EWSR1: variants seen among roughly 807,000 people sequenced by gnomAD.
The protein encoded by EWSR1 is EWS RNA binding protein 1, also known as RNA-binding protein EWS.
Under a neutral mutation model 92.1 loss-of-function variants are expected in EWSR1, and 14 were observed. That is an observed-to-expected ratio of 0.15 (90% CI 0.10 to 0.24). The LOEUF (loss-of-function observed/expected upper bound fraction) is 0.24. EWSR1 is among the 10% of genes least tolerant of loss of function. EWSR1 has a pLI of 1.00. For missense variants in EWSR1, 637 were observed against 870.9 expected (o/e 0.73, Z 3.38); for synonymous variants, 303 against 292.9 (o/e 1.03, Z -0.35).
intron 4 of EWSR1, among the ~76,000 whole-genome samples, chr22:29,275,125 T>C (rs1222079824): frequency 6.6e-6 from 1 of 152,210 alleles, no homozygotes; most frequent in African/African-American, 2.4e-5. Context: ...TTTCTAGTGG[T>C]GTTAATTGCA....
chr22:29,268,846 G>A (rs2058380620), intron 1 of EWSR1, among the ~76,000 whole-genome samples: 1 of 152,258 alleles, frequency 6.6e-6, no homozygotes, highest in South Asian at 2.1e-4. Context: ...TGGGCCGAGG[G>A]GTGCCGGCCT....
At chr22:29,276,827 T>C (rs2059158042) in intron 4 of EWSR1, 1 of 231,644 alleles carries the variant, frequency 4.3e-6, no homozygotes, top group Admixed American at 5.6e-5. Flanking sequence ...AGTTTGTTTA[T>C]TTTTTGTAGA....
At chr22:29,288,267 T>C (rs2060199019) in intron 7 of EWSR1, among the ~76,000 whole-genome samples, 1 of 152,230 alleles carries the variant, frequency 6.6e-6, no homozygotes, top group Non-Finnish European at 1.5e-5. Context: ...CTGGCTCTGT[T>C]TTCATTTCTT....
rs776719865 is a variant in EWSR1, at chr22:29,296,233, G to T, written c.1165-6G>T. ...GTCATGCCTAACTATGCTATTCTTT[G>T]TCTAGATGAACAAGAGAACTGGGCA... On this transcript the variant is annotated splice_polypyrimidine_tract_variant and splice_region_variant and intron_variant, in intron 11 of 16. Transcript: ENST00000397938. 1 of 1,613,480 alleles carries T rather than the reference G, an allele frequency of 6.2e-7. No homozygotes were observed. The highest frequency in any genetic ancestry group is 1.3e-5 in the African/African-American group (1 of 74,976).
chr22:29,279,019 G>A (rs973827010), intron 5 of EWSR1, among the ~76,000 whole-genome samples: 3 of 151,818 alleles, frequency 2.0e-5, no homozygotes, highest in Non-Finnish European at 4.4e-5. Flanking sequence ...GTGAAATGGT[G>A]CTATCGAAGG....
At chr22:29,270,020 C>T (rs1001540866) in intron 1 of EWSR1, among the ~76,000 whole-genome samples, 1 of 152,172 alleles carries the variant, frequency 6.6e-6, no homozygotes, top group Admixed American at 6.5e-5. Context: ...CCTTAGTTTC[C>T]TTTCCTGTAA....
At chr22:29,270,978 A>G (rs998283412) in intron 1 of EWSR1, among the ~76,000 whole-genome samples, 2 of 152,184 alleles carry the variant, frequency 1.3e-5, no homozygotes, top group African/African-American at 2.4e-5. Flanking sequence ...AAGGAAAGAA[A>G]GTAGTCCAGT....
At chr22:29,296,410 G>C (rs1296572212) in intron 12 of EWSR1, 42 bp downstream of exon 12, 1 of 1,608,446 alleles carries the variant, frequency 6.2e-7, no homozygotes, top group Non-Finnish European at 8.5e-7. Flanking sequence ...CCTGGCTATA[G>C]AATATGGCAT....
rs766337301 is a variant in EWSR1 at position 29,292,476 on chromosome 22, T to C, written c.1046-12T>C. On this transcript the variant is annotated splice_polypyrimidine_tract_variant and intron_variant, in intron 10 of 16. Coordinates refer to ENST00000397938, the MANE Select transcript of EWSR1 (RefSeq NM_005243.4). The stretch of plus-strand genomic sequence containing the variant: ...CATGATAATAATTCTCCTGTCTTGT[T>C]GTCTCTGAAAGGCCCACCTGTAGAT... 1.9e-6 allele frequency: 3 copies of C among 1,557,836 alleles called. No homozygotes were observed. In the South Asian group the frequency reaches 3.3e-5, roughly 17 times the overall value.
rs1388989889 is a variant in EWSR1 at position 29,298,800 on chromosome 22, A to C, written c.1485A>C (p.Gly495=). ...TGGGAGGCCGTGGAGGAGATAGAGGAGGCTTCCCTCCAAGAGGACCCCGGG... is the reference window on the plus strand; with the variant it reads ...TGGGAGGCCGTGGAGGAGATAGAGGCGGCTTCCCTCCAAGAGGACCCCGGG... ...GRMGGRGGDR[G]GFPPRGPRGS... The change falls in exon 14 of 17, where the codon GGA becomes GGC. Residue 495 remains glycine (G), a synonymous_variant. Transcript: ENST00000397938. 1.9e-6 allele frequency: 3 copies of C among 1,610,794 alleles called. No homozygotes were observed. The highest frequency in any genetic ancestry group is 3.4e-5 in the Admixed American group (2 of 59,098).
chr22:29,284,067 C>T (rs1243270593), intron 6 of EWSR1, among the ~76,000 whole-genome samples: 11 of 151,362 alleles, frequency 7.3e-5, no homozygotes, highest in Admixed American at 7.2e-4. Context: ...CTCCCATCCT[C>T]AGGTGATCCG....
intron 1 of EWSR1, among the ~76,000 whole-genome samples, chr22:29,270,675 C>G (rs2058603185): frequency 6.6e-6 from 1 of 152,160 alleles, no homozygotes; most frequent in African/African-American, 2.4e-5. Flanking sequence ...GTCTTGCAAA[C>G]GTTGAACTTA....
chr22:29,292,787 G>A (rs900275438), intron 11 of EWSR1, among the ~76,000 whole-genome samples, 181 bp downstream of exon 11: 3 of 142,626 alleles, frequency 2.1e-5, no homozygotes, highest in East Asian at 4.0e-4. Flanking sequence ...TTTTTGAGAC[G>A]GAGTTTCCTT....
chr22:29,278,062 A>G lies in EWSR1; in HGVS notation c.259A>G (p.Ser87Gly). 6.2e-7 allele frequency: 1 copy of G among 1,614,006 alleles called. No individual in the cohort carries two copies. The change falls in exon 5 of 17, where the codon AGC (serine) becomes GGC (glycine). Residue 87 changes from serine to glycine, a missense_variant. Transcript: ENST00000397938. ...YTTPTAPQAY[S>G]QPVQGYGTGA... The stretch of plus-strand genomic sequence containing the variant: ...TACTCCAACTGCCCCCCAGGCATAC[A>G]GCCAGCCTGTCCAGGGGTATGGCAC...
chr22:29,294,972 C>A (rs1317630583), intron 11 of EWSR1, among the ~76,000 whole-genome samples: 1 of 151,976 alleles, frequency 6.6e-6, no homozygotes, highest in Non-Finnish European at 1.5e-5. Context: ...TTTCTCCCTG[C>A]TTGTAGGTGT....
At chr22:29,291,790 GAAGT>G (rs1373484393) in intron 9 of EWSR1, 191 bp downstream of exon 9, 6 of 599,850 alleles carry the variant, frequency 1.0e-5, no homozygotes, top group Non-Finnish European at 1.7e-5. Context: ...AGGGTAACTT[GAAGT>G]ATTGAGTAAC....
In EWSR1 at chr22:29,273,741, G is replaced by T. The variant is rs753624585; in HGVS notation, c.103G>T (p.Ala35Ser). 6.2e-7 allele frequency: 1 copy of T among 1,609,806 alleles called. No homozygotes were observed. Among genetic ancestry groups the T allele is most frequent in the East Asian group, 2.2e-5 (1 of 44,836 alleles). Residue 35 changes from alanine (A) to serine (S), a missense_variant and splice_region_variant, in exon 4 of 17, where the codon GCA becomes TCA. Transcript: ENST00000397938. The stretch of plus-strand genomic sequence containing the variant: ...TTGCATTCGTTTTTTTTTGGAGCAG[G>T]CATATGGGCAACAAAGCTATGGAAC... Reference protein sequence around the residue: ...PTQGYAQTTQAYGQQSYGTYG... With the variant: ...PTQGYAQTTQSYGQQSYGTYG...
At position 29,300,106 on chromosome 22, in the gene EWSR1, C is replaced by T; in HGVS notation, c.1932-16C>T. 1 of 1,599,192 alleles carries T rather than the reference C, an allele frequency of 6.3e-7. No homozygotes were observed. The highest frequency in any genetic ancestry group is 8.5e-7 in the Non-Finnish European group (1 of 1,176,894). ...CCCCTTCCCATTCTAACCGAAGGGC[C>T]CTCTTTACCTTGCAGAGGCGAGCAC... is the stretch of plus-strand genomic sequence containing the variant. On this transcript the variant is annotated splice_polypyrimidine_tract_variant and intron_variant, in intron 16 of 16. Coordinates refer to ENST00000397938, the MANE Select transcript of EWSR1 (RefSeq NM_005243.4).
At chr22:29,276,652 C>T (rs1222974969) in intron 4 of EWSR1, 1 of 226,916 alleles carries the variant, frequency 4.4e-6, no homozygotes, top group Admixed American at 5.7e-5. Flanking sequence ...GATATAAATG[C>T]CAGCACCTAG....
Sources: allele counts gnomAD v4.1 joint callset (sites outside exome capture counted in the v4.1 genomes callset), GRCh38; gene constraint gnomAD v4.1.1; transcripts MANE v1.5; gene names NCBI Gene and HGNC (gene_info 2026-07-23, HGNC 2026-07-21).